The following NALF1 variants were observed in gnomAD, a reference collection of about 807,000 sequenced individuals.
NALF1 encodes the protein family with sequence similarity 155 member A.
NALF1 carries 3 observed loss-of-function variants against 48.4 expected under a neutral mutation model. The observed-to-expected ratio is 0.06, with a 90% CI of 0.03 to 0.16. The LOEUF (loss-of-function observed/expected upper bound fraction) is 0.16. Ranked by LOEUF, NALF1 falls within the 10% of genes least tolerant of loss-of-function variation. NALF1 has a pLI of 1.00. For synonymous variants in NALF1, 262 were observed against 245.7 expected (o/e 1.07, Z -0.62); for missense variants, 526 against 571.5 (o/e 0.92, Z 0.81).
chr13:107,290,580 C>T (rs118112944), intron 1 of NALF1, among the ~76,000 whole-genome samples: 5,698 of 152,212 alleles, frequency 0.037, 320 homozygotes, highest in East Asian at 0.31. Context: ...CTGCCATGAT[C>T]GTGAGGCCTC....
chr13:107,434,949 G>A lies in NALF1; in HGVS notation c.916-224194C>T, dbSNP rs180826862. 1.2e-4 allele frequency among the ~76,000 whole-genome samples: 19 copies of A among 152,176 alleles called. No individual in the cohort carries two copies. The South Asian group carries it at 1.7e-3, about 13-fold the overall frequency. ...GCTATATTCTTTTTTCTGTGACATCGATCTTCTCAACTTCATTGGCCTCAA... is the reference window on the plus strand; with the variant it reads ...GCTATATTCTTTTTTCTGTGACATCAATCTTCTCAACTTCATTGGCCTCAA... On this transcript the variant is annotated intron_variant, in intron 1 of 2. Coordinates refer to ENST00000375915, the MANE Select transcript of NALF1 (RefSeq NM_001080396.3).
At chr13:107,301,864 A>C (rs529534698) in intron 1 of NALF1, among the ~76,000 whole-genome samples, 1 of 152,294 alleles carries the variant, frequency 6.6e-6, no homozygotes, top group South Asian at 2.1e-4. Context: ...GCTGTAAGAG[A>C]TCAACCCTAC....
intron 1 of NALF1, among the ~76,000 whole-genome samples, chr13:107,783,253 C>T (rs1398738630): frequency 2.1e-5 from 3 of 142,660 alleles, no homozygotes; most frequent in Admixed American, 7.0e-5. Flanking sequence ...GGGTCAGCCC[C>T]CCGCCCGGCC....
At chr13:107,604,845 C>T (rs1209016047) in intron 1 of NALF1, among the ~76,000 whole-genome samples, 1 of 152,058 alleles carries the variant, frequency 6.6e-6, no homozygotes, top group Non-Finnish European at 1.5e-5. Context: ...AGCAAGTCCC[C>T]CTCTCAATCT....
intron 1 of NALF1, among the ~76,000 whole-genome samples, chr13:107,586,541 G>T (rs912764236): frequency 2.6e-5 from 4 of 151,058 alleles, no homozygotes; most frequent in African/African-American, 9.7e-5. Context: ...TCTATTTATG[G>T]GAAGTAGGTT....
intron 1 of NALF1, among the ~76,000 whole-genome samples, chr13:107,246,404 T>C (rs1006742518): frequency 2.1e-5 from 3 of 144,122 alleles, no homozygotes; most frequent in Non-Finnish European, 4.7e-5. Context: ...TGCTAGAGTA[T>C]TATAAGCTAA....
intron 1 of NALF1, among the ~76,000 whole-genome samples, chr13:107,660,192 C>T (rs1303202680): frequency 6.6e-6 from 1 of 151,808 alleles, no homozygotes; most frequent in East Asian, 1.9e-4. Flanking sequence ...ATAATCCCAG[C>T]ACTTTGGGAG....
Position 107,865,813 on chromosome 13 carries a change from T to C in NALF1, c.784A>G (p.Arg262Gly). Residue 262 changes from arginine to glycine, a missense_variant, in exon 1 of 3, where the codon AGG (arginine) becomes GGG (glycine). This residue lies in a region of NALF1 where 373 missense variants were observed against 355.5 expected (regional missense o/e 1.05). Coordinates refer to ENST00000375915, the MANE Select transcript of NALF1 (RefSeq NM_001080396.3). ...TCCTGGTAAGCCTCGACGCACTGCCTGCAAGTGGTCATCTCGCCGCCTTCC... is the reference window on the plus strand; with the variant it reads ...TCCTGGTAAGCCTCGACGCACTGCCCGCAAGTGGTCATCTCGCCGCCTTCC... ...LKEGGEMTTCRQCVEAYQDYD... is the reference protein window; with the variant it reads ...LKEGGEMTTCGQCVEAYQDYD... The C allele has an allele frequency of 6.2e-7, 1 of 1,614,148 alleles. No homozygotes were observed. Among genetic ancestry groups the C allele is most frequent in the Non-Finnish European group, 8.5e-7 (1 of 1,180,022 alleles).
intron 1 of NALF1, among the ~76,000 whole-genome samples, chr13:107,718,848 T>C (rs543467665): frequency 1.3e-5 from 2 of 152,326 alleles, no homozygotes; most frequent in African/African-American, 4.8e-5. Context: ...TCGGTCACCT[T>C]AGCCACATTT....
chr13:107,224,067 T>C (rs1418935733), intron 1 of NALF1, among the ~76,000 whole-genome samples: 1 of 152,126 alleles, frequency 6.6e-6, no homozygotes, highest in Non-Finnish European at 1.5e-5. Flanking sequence ...TAATGAATAA[T>C]ATTATTCATT....
chr13:107,561,045 C>T (rs1877631337), intron 1 of NALF1, among the ~76,000 whole-genome samples: 1 of 152,258 alleles, frequency 6.6e-6, no homozygotes, highest in South Asian at 2.1e-4. Flanking sequence ...ATGTTGAATG[C>T]CCTTGTCAGT....
intron 1 of NALF1, among the ~76,000 whole-genome samples, chr13:107,365,886 C>G (rs891365047): frequency 6.6e-6 from 1 of 152,216 alleles, no homozygotes; most frequent in Admixed American, 6.5e-5. Context: ...AGACTGCTTG[C>G]CTACATGTCA....
At position 107,382,266 on chromosome 13, in the gene NALF1, T is replaced by C. The variant is rs568091267; in HGVS notation, c.916-171511A>G. Among the ~76,000 whole-genome samples the C allele has an allele frequency of 1.8e-4, 27 of 152,330 alleles. 2 individuals carry two copies. The South Asian group carries it at 5.6e-3, about 32-fold the overall frequency. The stretch of plus-strand genomic sequence containing the variant: ...CATGGTACATGTATGACAGCATATA[T>C]TGGCATATAAATTATGGCTTAAAAG... On this transcript the variant is annotated intron_variant, in intron 1 of 2. Coordinates refer to ENST00000375915, the MANE Select transcript of NALF1 (RefSeq NM_001080396.3).
intron 1 of NALF1, among the ~76,000 whole-genome samples, chr13:107,251,269 C>T (rs1297390428): frequency 1.3e-5 from 2 of 152,176 alleles, no homozygotes; most frequent in Non-Finnish European, 2.9e-5. Context: ...CCTCTATTTC[C>T]CCCTCATTAT....
chr13:107,270,372 A>T (rs1162576317), intron 1 of NALF1, among the ~76,000 whole-genome samples: 2 of 152,116 alleles, frequency 1.3e-5, no homozygotes, highest in Admixed American at 1.3e-4. Flanking sequence ...GAAAAACTAT[A>T]CATTTTAATA....
chr13:107,371,532 T>C (rs1883248917), intron 1 of NALF1, among the ~76,000 whole-genome samples: 2 of 152,192 alleles, frequency 1.3e-5, no homozygotes, highest in African/African-American at 4.8e-5. Context: ...GCAAAGGTGG[T>C]ACTTCATTAG....
chr13:107,258,002 A>T (rs1318072345), intron 1 of NALF1, among the ~76,000 whole-genome samples: 1 of 152,254 alleles, frequency 6.6e-6, no homozygotes, highest in African/African-American at 2.4e-5. Context: ...GTCACATTTT[A>T]TATAAACAGT....
At chr13:107,740,044 G>GCA (rs1876587747) in intron 1 of NALF1, among the ~76,000 whole-genome samples, 1 of 152,112 alleles carries the variant, frequency 6.6e-6, no homozygotes, top group African/African-American at 2.4e-5. Context: ...GAAATAAAGT[G>GCA]CACAATAAGT....
At chr13:107,690,228 C>T (rs945498886) in intron 1 of NALF1, among the ~76,000 whole-genome samples, 3 of 152,130 alleles carry the variant, frequency 2.0e-5, no homozygotes, top group African/African-American at 4.8e-5. Context: ...CCATACTTAG[C>T]CATGACATTA....
Sources: allele counts gnomAD v4.1 joint callset (sites outside exome capture counted in the v4.1 genomes callset), GRCh38; gene constraint gnomAD v4.1.1; regional missense constraint gnomAD v4.1.1; transcripts MANE v1.5; gene names NCBI Gene and HGNC (gene_info 2026-07-23, HGNC 2026-07-21).